NCOR2: variants seen among roughly 807,000 people sequenced by gnomAD.
The protein encoded by NCOR2 is nuclear receptor corepressor 2, also known as CTG repeat protein 26.
NCOR2 carries 81 observed loss-of-function variants against 262.9 expected under a neutral mutation model. That is an observed-to-expected ratio of 0.31 (90% confidence interval 0.26 to 0.37). The LOEUF is 0.37. NCOR2 is among the 10% of genes least tolerant of loss of function. The pLI, the probability that NCOR2 is intolerant of heterozygous loss-of-function variation, is 1.00. For synonymous variants in NCOR2, 1,659 were observed against 1,559.3 expected (o/e 1.06, Z -1.51); for missense variants, 3,385 against 3,621.4 (o/e 0.93, Z 1.68).
intron 16 of NCOR2, among the ~76,000 whole-genome samples, chr12:124,391,717 G>T (rs1327216666): frequency 6.6e-6 from 1 of 152,098 alleles, no homozygotes; most frequent in African/African-American, 2.4e-5. Context: ...CTTAGCCTCC[G>T]CATCAGCAAT....
chr12:124,505,730 G>C (rs1039561765), intron 1 of NCOR2, among the ~76,000 whole-genome samples: 11 of 152,294 alleles, frequency 7.2e-5, no homozygotes, highest in Middle Eastern at 3.4e-3. Context: ...CCCAGAAGGA[G>C]AGCGTGGCTG....
intron 13 of NCOR2, among the ~76,000 whole-genome samples, chr12:124,403,127 C>A (rs2042071303): frequency 6.6e-6 from 1 of 152,160 alleles, no homozygotes; most frequent in Admixed American, 6.5e-5. Context: ...GCCCTGCCCC[C>A]GACAGAGCTC....
chr12:124,463,231 G>A (rs1227468348), intron 5 of NCOR2, among the ~76,000 whole-genome samples: 2 of 152,286 alleles, frequency 1.3e-5, no homozygotes, highest in South Asian at 2.1e-4. Flanking sequence ...CTCCTACCTC[G>A]TGCCCACCAC....
At chr12:124,367,958 C>T (rs2039170157) in intron 20 of NCOR2, among the ~76,000 whole-genome samples, 1 of 152,232 alleles carries the variant, frequency 6.6e-6, no homozygotes, top group Non-Finnish European at 1.5e-5. Flanking sequence ...TCTTGGAAGG[C>T]AGCCACTTCT....
intron 7 of NCOR2, among the ~76,000 whole-genome samples, chr12:124,439,491 A>G (rs1050225213): frequency 5.4e-5 from 8 of 149,056 alleles, no homozygotes; most frequent in African/African-American, 1.7e-4. Context: ...ACCCAGAGAA[A>G]GAGGGAAACA....
intron 22 of NCOR2, 34 bp downstream of exon 24, chr12:124,362,092 C>T: frequency 7.9e-7 from 1 of 1,271,048 alleles, no homozygotes; most frequent in Non-Finnish European, 9.9e-7. Flanking sequence ...TCCCCTGCTG[C>T]CCCAGCCCCA....
At chr12:124,402,475 C>A (rs1374022200) in exon 14 of NCOR2, 1 of 1,612,384 alleles carries the variant, frequency 6.2e-7, no homozygotes, top group African/African-American at 1.3e-5. Context: ...TTTCCTTCTC[C>A]TTCTCATCTT....
At chr12:124,371,520 G>C (rs903061715) in intron 20 of NCOR2, among the ~76,000 whole-genome samples, 10 of 152,228 alleles carry the variant, frequency 6.6e-5, no homozygotes, top group Admixed American at 3.9e-4. Context: ...ACAGGGCGAA[G>C]GTCATGTGAC....
Position 124,342,039 on chromosome 12 carries a change from TG to T in NCOR2, c.4971del (p.Asn1658ThrfsTer53). 1 of 1,611,594 alleles carries T rather than the reference TG, an allele frequency of 6.2e-7. No individual in the cohort carries two copies. Among genetic ancestry groups the T allele is most frequent in the Non-Finnish European group, 8.5e-7 (1 of 1,179,332 alleles). On this transcript the variant is annotated frameshift_variant, in exon 34 of 47. Transcript: ENST00000405201. LOFTEE classifies it high-confidence loss of function. The stretch of plus-strand genomic sequence containing the variant: ...GGGTACAGGTGCGGGTAGGTGGGGT[TG>T]GGGGCCAGGTGTCGGGGCAGGTAGT...
chr12:124,537,453 C>T (rs142346624), upstream of NCOR2, among the ~76,000 whole-genome samples: 1 of 152,324 alleles, frequency 6.6e-6, no homozygotes, highest in East Asian at 1.9e-4. Flanking sequence ...AGCTCTGAAG[C>T]CAGGCTCCCC....
intron 41 of NCOR2, 24 bp downstream of exon 43, chr12:124,334,400 G>C (rs776619381): frequency 6.6e-7 from 1 of 1,512,654 alleles, no homozygotes; most frequent in South Asian, 1.2e-5. Context: ...TGACCAGCAA[G>C]AGGCACCCCC....
chr12:124,399,696 C>T (rs2041891717), intron 15 of NCOR2, among the ~76,000 whole-genome samples: 2 of 152,196 alleles, frequency 1.3e-5, no homozygotes, highest in Non-Finnish European at 2.9e-5. Context: ...AGCATCTCCA[C>T]CCTGAGAATG....
chr12:124,332,588 C>T lies in NCOR2; in HGVS notation c.6756-121G>A, dbSNP rs116572756. On this transcript the variant is annotated intron_variant, in intron 42 of 46. Coordinates refer to ENST00000405201, the Ensembl canonical transcript of NCOR2. The stretch of plus-strand genomic sequence containing the variant: ...TGGAAGCAAGCTTCACCCGCCCCCA[C>T]GCCTGCATCCCCTGCCTGGTAGAAG... 2.5e-3 allele frequency: 3,099 copies of T among 1,247,544 alleles called. 43 individuals carry two copies. In the African/African-American group the frequency reaches 0.038, roughly 15 times the overall value. 77.3% of individuals were successfully genotyped at this position (1,247,544 alleles called of 1,614,324 possible).
At chr12:124,480,808 G>A (rs2047416870) in intron 3 of NCOR2, among the ~76,000 whole-genome samples, 1 of 148,150 alleles carries the variant, frequency 6.7e-6, no homozygotes, top group Admixed American at 6.7e-5. Context: ...GACTCCAGGC[G>A]AGTGGGGGAA....
At chr12:124,360,050 C>T (rs1439246203) in intron 22 of NCOR2, among the ~76,000 whole-genome samples, 8 of 152,224 alleles carry the variant, frequency 5.3e-5, no homozygotes, top group African/African-American at 1.7e-4. Flanking sequence ...AACTGCTGGC[C>T]GGTGGCTCCC....
At chr12:124,437,946 T>C in exon 8 of NCOR2, 2 of 1,612,316 alleles carry the variant, frequency 1.2e-6, no homozygotes, top group African/African-American at 2.7e-5. Context: ...TTTCCGAGCG[T>C]GATTCCTCCT....
chr12:124,457,274 G>T lies in NCOR2; in HGVS notation c.706-112C>A. 1 of 1,201,454 alleles carries T rather than the reference G, an allele frequency of 8.3e-7. No homozygotes were observed. Among genetic ancestry groups the T allele is most frequent in the Non-Finnish European group, 1.1e-6 (1 of 887,152 alleles). The allele number at this position is 1,201,454 out of a possible 1,614,324, so 74.4% of individuals were successfully genotyped here. On this transcript the variant is annotated intron_variant, in intron 5 of 46. Transcript: ENST00000405201. The surrounding 1 kb of genome is among the most constrained non-coding windows in gnomAD (Gnocchi z 4.0). ...CCTGCCCAGCCCAGTCCAGCATGCT[G>T]ATCCTCAGCACGGGGGAGGGAGGCC...
chr12:124,479,828 A>G lies in NCOR2; in HGVS notation c.411+3768T>C, dbSNP rs57072905. Among the ~76,000 whole-genome samples the G allele has an allele frequency of 5.7e-3, 869 of 152,338 alleles. 40 individuals carry two copies. In the East Asian group the frequency reaches 0.11, roughly 19 times the overall value. On this transcript the variant is annotated intron_variant, in intron 3 of 46. Coordinates refer to ENST00000405201, the Ensembl canonical transcript of NCOR2. ...GCAGCAGGTCAACCTGGAGGCAGGC[A>G]TGGGGTGCACTCCCAGCTGCCTGGG...
chr12:124,491,737 A>T (rs1294384589), intron 1 of NCOR2, among the ~76,000 whole-genome samples: 1 of 152,168 alleles, frequency 6.6e-6, no homozygotes, highest in Non-Finnish European at 1.5e-5. Flanking sequence ...CCAGGAGAGG[A>T]GGAGGCGTTG....
Sources: gnomAD v4.1 joint callset for allele counts (sites outside exome capture counted in the v4.1 genomes callset) on GRCh38, gnomAD v4.1.1 for gene constraint, Gnocchi (gnomAD v3.1) non-coding constraint, MANE v1.5 for transcripts, NCBI Gene and HGNC (gene_info 2026-07-23, HGNC 2026-07-21) for gene names.